PKHD1: variants seen among roughly 807,000 people sequenced by gnomAD.
PKHD1 encodes fibrocystin.
PKHD1 carries 291 observed loss-of-function variants against 412.0 expected under a neutral mutation model. The observed-to-expected ratio is 0.71, with a 90% CI of 0.64 to 0.78. The LOEUF (loss-of-function observed/expected upper bound fraction) is 0.78, where lower values mean the gene tolerates loss of function less well. PKHD1 is among the 30% of genes least tolerant of loss of function. The pLI, the probability that PKHD1 is intolerant of heterozygous loss-of-function variation, is 0.00. For synonymous variants in PKHD1, 1,777 were observed against 1,821.5 expected, an observed-to-expected ratio of 0.98 and a Z score of 0.62; for missense variants, 4,825 against 4,950.7, an observed-to-expected ratio of 0.97 and a Z score of 0.76.
chr6:51,986,656 C>T (rs1041004339), intron 35 of PKHD1, among the ~76,000 whole-genome samples: 2 of 152,144 alleles, frequency 1.3e-5, no homozygotes, highest in Non-Finnish European at 2.9e-5. Flanking sequence ...GAAAAGCCTT[C>T]GCAATGTTTT....
Position 51,791,368 on chromosome 6 carries a change from T to C in PKHD1, c.8308A>G (p.Thr2770Ala), listed in dbSNP as rs780479407. 13 of 1,613,560 alleles carry C rather than the reference T, an allele frequency of 8.1e-6. No individual in the cohort carries two copies. The highest frequency in any genetic ancestry group is 4.4e-5 in the South Asian group (4 of 91,068). Reference protein sequence around the residue: ...GDDVLILPNRTVLVDTDLPFF... With the variant: ...GDDVLILPNRAVLVDTDLPFF... ...GGAAGATCTGTATCCACAAGGACAG[T>C]TCTGTCTGTGGAAGAAAAAGAAATT... Residue 2770 changes from threonine (T) to alanine (A), a missense_variant, in exon 53 of 67, where the codon ACT becomes GCT. Coordinates refer to ENST00000371117, the MANE Select transcript of PKHD1 (RefSeq NM_138694.4).
intron 35 of PKHD1, among the ~76,000 whole-genome samples, chr6:51,973,464 C>T (rs1793954486): frequency 6.6e-6 from 1 of 152,164 alleles, no homozygotes; most frequent in Non-Finnish European, 1.5e-5. Flanking sequence ...TACGTGTCCT[C>T]AAAGGCAGAA....
chr6:51,853,282 A>G (rs1772653849), intron 49 of PKHD1, among the ~76,000 whole-genome samples: 1 of 152,224 alleles, frequency 6.6e-6, no homozygotes, highest in Non-Finnish European at 1.5e-5. Flanking sequence ...GTCTGCTGTT[A>G]GTCTGATGGG....
intron 60 of PKHD1, among the ~76,000 whole-genome samples, chr6:51,676,020 G>A (rs1455050751): frequency 6.6e-6 from 1 of 152,038 alleles, no homozygotes; most frequent in Non-Finnish European, 1.5e-5. Flanking sequence ...AGAAACCAAG[G>A]CAGTGAGTGA....
chr6:51,637,292 C>G lies in PKHD1; in HGVS notation c.11506+1557G>C, dbSNP rs1208781680. On this transcript the variant is annotated intron_variant, in intron 64 of 66. Transcript: ENST00000371117. ...CATTCAAAAACTCAAGCTTACAGCA[C>G]AATCCCTGGGAATTGGGAATCCCAC... is the stretch of plus-strand genomic sequence containing the variant. Among the ~76,000 whole-genome samples the G allele has an allele frequency of 2.0e-5, 3 of 152,186 alleles. No individual in the cohort carries two copies. In the East Asian group the frequency reaches 5.8e-4, roughly 29 times the overall value.
intron 65 of PKHD1, among the ~76,000 whole-genome samples, chr6:51,631,229 G>A (rs1291711523): frequency 6.6e-6 from 1 of 152,164 alleles, no homozygotes; most frequent in Non-Finnish European, 1.5e-5. Context: ...CAAGCAGACA[G>A]CACTACATAC....
chr6:51,910,463 A>G (rs1361159963), intron 39 of PKHD1, among the ~76,000 whole-genome samples: 1 of 152,136 alleles, frequency 6.6e-6, no homozygotes, highest in African/African-American at 2.4e-5. Context: ...TAAGATTTTC[A>G]AATGGACAGG....
chr6:51,827,807 G>C (rs1468048634), intron 52 of PKHD1, among the ~76,000 whole-genome samples: 3 of 152,156 alleles, frequency 2.0e-5, no homozygotes, highest in Non-Finnish European at 4.4e-5. Context: ...CTTGAACAGA[G>C]TGAATGTTTG....
intron 60 of PKHD1, among the ~76,000 whole-genome samples, chr6:51,703,403 T>G (rs1235237771): frequency 6.6e-6 from 1 of 151,928 alleles, no homozygotes; most frequent in Non-Finnish European, 1.5e-5. Flanking sequence ...TCTATCACAG[T>G]GCATTTTCTT....
chr6:52,054,037 C>T lies in PKHD1; in HGVS notation c.1964+1G>A. The stretch of plus-strand genomic sequence containing the variant: ...ACCACGCCTCCCCACCGATTAGCTA[C>T]CTCTCGGGGCTGGTCCTCGTGAGAC... On this transcript the variant is annotated splice_donor_variant, in intron 20 of 66. Transcript: ENST00000371117. LOFTEE classifies it high-confidence loss of function. The T allele has an allele frequency of 1.2e-6, 2 of 1,613,848 alleles. No homozygotes were observed. The highest frequency in any genetic ancestry group is 2.2e-5 in the East Asian group (1 of 44,852).
chr6:51,737,905 A>AG (rs1259527711), intron 60 of PKHD1, among the ~76,000 whole-genome samples: 1 of 152,200 alleles, frequency 6.6e-6, no homozygotes, highest in Admixed American at 6.5e-5. Context: ...CAGGAGAATG[A>AG]GGGGGGTTTG....
In PKHD1 at chr6:51,618,832, A is replaced by T; in HGVS notation, c.*249T>A. 1 of 535,308 alleles carries T rather than the reference A, an allele frequency of 1.9e-6. No individual in the cohort carries two copies. Among genetic ancestry groups the T allele is most frequent in the Non-Finnish European group, 3.4e-6 (1 of 297,750 alleles). The allele number at this position is 535,308 out of a possible 1,614,324, so 33.2% of individuals were successfully genotyped here. On this transcript the variant is annotated 3_prime_UTR_variant, in exon 67 of 67. Coordinates refer to ENST00000371117, the MANE Select transcript of PKHD1 (RefSeq NM_138694.4). ...AGGCTTAAGTTAAAAACTGGTAAAT[A>T]ATTAACAAGTGCCATTATTTGCCTA...
chr6:51,706,373 A>G (rs1371862764), intron 60 of PKHD1, among the ~76,000 whole-genome samples: 1 of 152,060 alleles, frequency 6.6e-6, no homozygotes, highest in African/African-American at 2.4e-5. Flanking sequence ...CCTGTCTAAG[A>G]GATACTGCAG....
chr6:51,912,364 A>T lies in PKHD1; in HGVS notation c.6332+2T>A, dbSNP rs1783090781. On this transcript the variant is annotated splice_donor_variant, in intron 38 of 66. Transcript: ENST00000371117. LOFTEE classifies it high-confidence loss of function. ...CAACTTAGCCAAGCTGACACTCAGT[A>T]CCTCAAAGGTGACTTAAGATAGAGG... 6.3e-7 allele frequency: 1 copy of T among 1,592,944 alleles called. No individual in the cohort carries two copies.
chr6:51,726,123 T>C (rs1021780286), intron 60 of PKHD1, among the ~76,000 whole-genome samples: 3 of 152,212 alleles, frequency 2.0e-5, no homozygotes, highest in South Asian at 4.1e-4. Context: ...AGGTCATAGA[T>C]GTGTCTGAGA....
chr6:51,931,882 G>GA (rs1386132665), intron 37 of PKHD1, among the ~76,000 whole-genome samples: 4 of 150,628 alleles, frequency 2.7e-5, no homozygotes, highest in African/African-American at 9.7e-5. Flanking sequence ...AGGAAGGGAG[G>GA]AAAAAGGGGA....
rs573809739 is a variant in PKHD1 at position 51,649,447 on chromosome 6, C to A, written c.11175-227G>T. On this transcript the variant is annotated intron_variant, in intron 61 of 66. Transcript: ENST00000371117. ...AAATGGACTAGGGGGTAGGGAAAATCACAAATTATGAGCATATATTTTTAT... is the reference window on the plus strand; with the variant it reads ...AAATGGACTAGGGGGTAGGGAAAATAACAAATTATGAGCATATATTTTTAT... Among the ~76,000 whole-genome samples, 83 of 152,114 alleles carry A rather than the reference C, an allele frequency of 5.5e-4. 5 individuals are homozygous for A. The South Asian group carries it at 0.016, about 30-fold the overall frequency.
chr6:51,673,293 C>T (rs564430286), intron 60 of PKHD1, among the ~76,000 whole-genome samples: 1 of 152,288 alleles, frequency 6.6e-6, no homozygotes, highest in East Asian at 1.9e-4. Context: ...AATATGTATC[C>T]ATAACCAACC....
At chr6:51,885,794 T>C in intron 45 of PKHD1, 73 bp downstream of exon 45, 1 of 953,688 alleles carries the variant, frequency 1.0e-6, no homozygotes, top group Non-Finnish European at 1.7e-6. Context: ...GCATAATGAA[T>C]TGCTGTGAGA....
Sources: allele counts gnomAD v4.1 joint callset (sites outside exome capture counted in the v4.1 genomes callset), GRCh38; gene constraint gnomAD v4.1.1; transcripts MANE v1.5; gene names NCBI Gene and HGNC (gene_info 2026-07-23, HGNC 2026-07-21).